The following PCDHGA2 variants were observed in gnomAD, a reference collection of about 807,000 sequenced individuals.
PCDHGA2 encodes protocadherin gamma subfamily A, 2, also known as protocadherin gamma-A2.
In PCDHGA2, 40 loss-of-function variants were observed where a neutral mutation model predicts 59.2. The ratio of observed to expected loss-of-function variants is 0.68; its 90% confidence interval spans 0.52 to 0.88. The LOEUF is 0.88. Ranked by LOEUF, PCDHGA2 falls within the 40% of genes least tolerant of loss-of-function variation. PCDHGA2 has a pLI of 0.00. For missense variants in PCDHGA2, 1,226 were observed against 1,204.0 expected (o/e 1.02, Z -0.27); for synonymous variants, 560 against 526.0 (o/e 1.06, Z -0.89).
Position 141,485,086 on chromosome 5 carries a change from A to T in PCDHGA2, c.2425-9721A>T. 1.0e-6 allele frequency: 1 copy of T among 999,576 alleles called. No individual in the cohort carries two copies. Among genetic ancestry groups the T allele is most frequent in the Non-Finnish European group, 1.5e-6 (1 of 651,740 alleles). 61.9% of individuals were successfully genotyped at this position (999,576 alleles called of 1,614,324 possible). A position where few individuals can be genotyped will look rare whatever the true frequency, so the allele number is the denominator to read the frequency against. On this transcript the variant is annotated intron_variant, in intron 1 of 3. Transcript: ENST00000394576. The surrounding 1 kb of genome is among the most constrained non-coding windows in gnomAD (Gnocchi z 5.7). The stretch of plus-strand genomic sequence containing the variant: ...CCAGAGCTGGCGCGGGGAAAGGGAG[A>T]TAGGTGTCTCCAGCTGCTGTGGCTG...
rs376067853 is a variant in PCDHGA2, at chr5:141,408,397, G to C, written c.2424+67002G>C. 261 of 1,614,068 alleles carry C rather than the reference G, an allele frequency of 1.6e-4. 1 individual carries two copies. In the East Asian group the frequency reaches 5.2e-3, roughly 32 times the overall value. On this transcript the variant is annotated intron_variant, in intron 1 of 3. Coordinates refer to ENST00000394576, the MANE Select transcript of PCDHGA2 (RefSeq NM_018915.4). The stretch of plus-strand genomic sequence containing the variant: ...GTGTCCTGGATGTGTCGGCTCGCAA[G>C]CTGCGAGTGAGCGCGGAGAAGCTGC...
At chr5:141,423,702 C>T in intron 1 of PCDHGA2, 4 of 1,340,970 alleles carry the variant, frequency 3.0e-6, no homozygotes, top group South Asian at 1.6e-5. Flanking sequence ...GGTGTCTTGG[C>T]ACAAGTCTTT....
chr5:141,502,866 C>CTTTT (rs549047197), intron 2 of PCDHGA2, among the ~76,000 whole-genome samples: 3 of 128,028 alleles, frequency 2.3e-5, no homozygotes, highest in African/African-American at 6.2e-5. Flanking sequence ...GACTCTCTGT[C>CTTTT]TTTTTTTTTT....
rs572892456 is a variant in PCDHGA2, at chr5:141,427,959, C to T, written c.2425-66848C>T. On this transcript the variant is annotated intron_variant, in intron 1 of 3. Coordinates refer to ENST00000394576, the MANE Select transcript of PCDHGA2 (RefSeq NM_018915.4). Reference sequence around the variant, plus strand: ...GGGCGACCTCAATGACAATGTGCCGCGGGTGCTGTACCCCGCGCTGGGGCC... The same window carrying T: ...GGGCGACCTCAATGACAATGTGCCGTGGGTGCTGTACCCCGCGCTGGGGCC... 3.8e-6 allele frequency: 6 copies of T among 1,588,886 alleles called. No individual in the cohort carries two copies. The East Asian group carries it at 1.1e-4, about 30-fold the overall frequency.
intron 1 of PCDHGA2, among the ~76,000 whole-genome samples, chr5:141,354,019 T>C (rs1188791033): frequency 6.6e-6 from 1 of 152,226 alleles, no homozygotes; most frequent in Non-Finnish European, 1.5e-5. Flanking sequence ...CTGTAAGTAT[T>C]CATAAGAAAG....
chr5:141,378,320 CGA>C (rs1285013125), intron 1 of PCDHGA2: 1 of 152,164 alleles, frequency 6.6e-6, no homozygotes, highest in Admixed American at 6.5e-5. Flanking sequence ...GTCAGGAGTT[CGA>C]GACCAGCCTG....
At chr5:141,365,450 G>C (rs763661542) in intron 1 of PCDHGA2, 2 of 1,614,010 alleles carry the variant, frequency 1.2e-6, no homozygotes, top group South Asian at 2.2e-5. Flanking sequence ...CGTACATGAT[G>C]GTGATTCTGG....
At chr5:141,400,385 C>G (rs903146096) in intron 1 of PCDHGA2, 1 of 1,614,074 alleles carries the variant, frequency 6.2e-7, no homozygotes, top group Admixed American at 1.7e-5. Flanking sequence ...CTATGTGTTG[C>G]ACATACAGGA....
intron 1 of PCDHGA2, among the ~76,000 whole-genome samples, chr5:141,447,353 G>C (rs559895274): frequency 6.6e-6 from 1 of 152,032 alleles, no homozygotes; most frequent in Admixed American, 6.6e-5. Context: ...TGGTCAGGCT[G>C]GTCTCAAACT....
intron 1 of PCDHGA2, among the ~76,000 whole-genome samples, chr5:141,381,798 CTCTTTCTT>C (rs372235829): frequency 6.9e-5 from 10 of 144,174 alleles, no homozygotes; most frequent in South Asian, 6.6e-4. Flanking sequence ...AGGCAATTCC[CTCTTTCTT>C]TCTTTCTTTC....
chr5:141,405,295 C>T lies in PCDHGA2; in HGVS notation c.2424+63900C>T, dbSNP rs192426924. On this transcript the variant is annotated intron_variant, in intron 1 of 3. Transcript: ENST00000394576. ...CCAACTATGCAGACACACTCATCAG[C>T]CAGCAGAGCTGTGAGAAAAATGAGC... 26 of 1,614,180 alleles carry T rather than the reference C, an allele frequency of 1.6e-5. No individual in the cohort carries two copies. In the East Asian group the frequency reaches 4.0e-4, roughly 25 times the overall value.
At chr5:141,401,391 T>C (rs923364219) in intron 1 of PCDHGA2, among the ~76,000 whole-genome samples, 1 of 152,140 alleles carries the variant, frequency 6.6e-6, no homozygotes, top group Non-Finnish European at 1.5e-5. Flanking sequence ...ATACTACATG[T>C]TATGTGTATG....
chr5:141,372,754 G>T, intron 1 of PCDHGA2: 6 of 1,613,022 alleles, frequency 3.7e-6, no homozygotes, highest in African/African-American at 1.3e-5. Context: ...GAAGCCTCTT[G>T]GTTTGAAAGT....
intron 1 of PCDHGA2, chr5:141,409,027 TGA>T: frequency 1.9e-6 from 3 of 1,613,978 alleles, no homozygotes; most frequent in Non-Finnish European, 2.5e-6. Context: ...GGGTCAATGC[TGA>T]GATAAACTAC....
At position 141,476,379 on chromosome 5, in the gene PCDHGA2, T is replaced by TTCA. The variant is rs768549633; in HGVS notation, c.2425-18428_2425-18427insTCA. 9 of 1,614,126 alleles carry TTCA rather than the reference T, an allele frequency of 5.6e-6. No homozygotes were observed. The East Asian group carries it at 2.0e-4, about 36-fold the overall frequency. ...AACCGGGAGACCGGAGAGATGTTTG[T>TTCA]GAACGACCGTCTGGATCGAGAGGAG... On this transcript the variant is annotated intron_variant, in intron 1 of 3. Transcript: ENST00000394576. This position sits in a 1 kb window ranked among gnomAD's most constrained non-coding sequence, Gnocchi z 7.6.
chr5:141,498,578 G>T (rs1404493166), intron 2 of PCDHGA2, among the ~76,000 whole-genome samples: 1 of 152,048 alleles, frequency 6.6e-6, no homozygotes, highest in African/African-American at 2.4e-5. Flanking sequence ...CTAGTATTGA[G>T]TTCTTCAGTA....
chr5:141,360,576 G>A lies in PCDHGA2; in HGVS notation c.2424+19181G>A, dbSNP rs776110254. 1.9e-6 allele frequency: 3 copies of A among 1,613,810 alleles called. No homozygotes were observed. In the East Asian group the frequency reaches 6.7e-5, roughly 36 times the overall value. On this transcript the variant is annotated intron_variant, in intron 1 of 3. Coordinates refer to ENST00000394576, the MANE Select transcript of PCDHGA2 (RefSeq NM_018915.4). ...ATTTAAAAATTGGCGAATCCACTAA[G>A]CCAGGTACAACATTTCCACTTGACC...
intron 1 of PCDHGA2, chr5:141,478,331 G>C: frequency 6.2e-7 from 1 of 1,613,956 alleles, no homozygotes; most frequent in Non-Finnish European, 8.5e-7. Context: ...CCGAACACCA[G>C]GGCCCTCCTT....
At chr5:141,348,747 A>G (rs1054262746) in intron 1 of PCDHGA2, among the ~76,000 whole-genome samples, 2 of 152,226 alleles carry the variant, frequency 1.3e-5, no homozygotes, top group Non-Finnish European at 2.9e-5. Context: ...AGTAAAAGGA[A>G]TGGAAAGTAT....
Sources: gnomAD v4.1 joint callset for allele counts (sites outside exome capture counted in the v4.1 genomes callset) on GRCh38, gnomAD v4.1.1 for gene constraint, Gnocchi (gnomAD v3.1) non-coding constraint, MANE v1.5 for transcripts, NCBI Gene and HGNC (gene_info 2026-07-23, HGNC 2026-07-21) for gene names.